The following ATF6 variants were observed in gnomAD, a reference collection of about 807,000 sequenced individuals.
The protein encoded by ATF6 is cyclic AMP-dependent transcription factor ATF-6 alpha.
In ATF6, 53 loss-of-function variants were observed where a neutral mutation model predicts 83.6. That is an observed-to-expected ratio of 0.63 (90% CI 0.51 to 0.80). The LOEUF (loss-of-function observed/expected upper bound fraction) is 0.80. ATF6 is among the 30% of genes least tolerant of loss of function. The pLI, the probability that ATF6 is intolerant of heterozygous loss-of-function variation, is 0.00. For missense variants in ATF6, 744 were observed against 797.9 expected (o/e 0.93, Z 0.81); for synonymous variants, 288 against 285.8 (o/e 1.01, Z -0.08).
chr1:161,814,547 T>G lies in ATF6; in HGVS notation c.910-5086T>G, dbSNP rs1685562319. Reference sequence around the variant, plus strand: ...AGTTTGCAGGATGAAGATTATTTCCTTGATAATCTGCCAAATAAATGGTTC... The same window carrying G: ...AGTTTGCAGGATGAAGATTATTTCCGTGATAATCTGCCAAATAAATGGTTC... On this transcript the variant is annotated intron_variant, in intron 7 of 15. Transcript: ENST00000367942. 2.6e-5 allele frequency among the ~76,000 whole-genome samples: 4 copies of G among 152,334 alleles called. No individual in the cohort carries two copies. The South Asian group carries it at 6.2e-4, about 24-fold the overall frequency.
intron 7 of ATF6, among the ~76,000 whole-genome samples, chr1:161,806,853 G>A (rs755599599): frequency 1.4e-4 from 22 of 152,190 alleles, no homozygotes; most frequent in Non-Finnish European, 2.6e-4. Flanking sequence ...TTAGAACTTT[G>A]TATTTCCTTT....
intron 15 of ATF6, among the ~76,000 whole-genome samples, chr1:161,935,193 G>C (rs547091737): frequency 5.3e-5 from 8 of 152,330 alleles, no homozygotes; most frequent in African/African-American, 1.7e-4. Context: ...GACAGACAGA[G>C]AGATAGACTC....
chr1:161,940,329 C>G (rs1688618280), intron 15 of ATF6, among the ~76,000 whole-genome samples: 1 of 152,230 alleles, frequency 6.6e-6, no homozygotes, highest in Non-Finnish European at 1.5e-5. Context: ...AAACCTTCCT[C>G]TGTCTCCTTA....
chr1:161,904,642 CACA>C (rs1225070374), intron 14 of ATF6, among the ~76,000 whole-genome samples: 12 of 151,734 alleles, frequency 7.9e-5, no homozygotes, highest in Non-Finnish European at 1.8e-4. Context: ...CACACACACA[CACA>C]CACAAAACTG....
intron 1 of ATF6, among the ~76,000 whole-genome samples, chr1:161,769,125 A>G (rs921936673): frequency 6.6e-6 from 1 of 152,086 alleles, no homozygotes; most frequent in African/African-American, 2.4e-5. Flanking sequence ...TGTTGCAACT[A>G]CTCAAGTCTG....
intron 6 of ATF6, among the ~76,000 whole-genome samples, chr1:161,800,038 T>C (rs1387375437): frequency 2.6e-5 from 4 of 152,170 alleles, no homozygotes; most frequent in East Asian, 3.8e-4. Flanking sequence ...CTGTGGATGT[T>C]AGGCAAGGCT....
At chr1:161,897,058 G>A (rs1459938220) in intron 14 of ATF6, among the ~76,000 whole-genome samples, 1 of 152,116 alleles carries the variant, frequency 6.6e-6, no homozygotes, top group Admixed American at 6.5e-5. Context: ...TTCAAGTTGT[G>A]TGTTATTTTT....
At position 161,819,717 on chromosome 1, in the gene ATF6, C is replaced by T. The variant is rs1320571202; in HGVS notation, c.994C>T (p.Leu332=). The part of the protein sequence containing the change: ...QSRKKKKEYM[L]GLEARLKAAL... ...TCGCAAGAAGAAGAAAGAATATATG[C>T]TAGGGTTAGAGGCGAGATTAAAGGC... Residue 332 remains leucine (L), a synonymous_variant, in exon 8 of 16, where the codon CTA becomes TTA. Transcript: ENST00000367942. The T allele has an allele frequency of 6.2e-7, 1 of 1,612,880 alleles. No homozygotes were observed. Among genetic ancestry groups the T allele is most frequent in the Admixed American group, 1.7e-5 (1 of 59,836 alleles).
chr1:161,895,976 G>A (rs185630091), intron 14 of ATF6, among the ~76,000 whole-genome samples: 35 of 152,320 alleles, frequency 2.3e-4, no homozygotes, highest in African/African-American at 6.5e-4. Context: ...AAAGGACCCA[G>A]TGAGTTACAG....
intron 14 of ATF6, chr1:161,890,704 TG>T (rs1415112200): frequency 6.6e-6 from 1 of 152,286 alleles, no homozygotes; most frequent in African/African-American, 2.4e-5. Context: ...CACAGAGCTT[TG>T]GTAGGGCTGG....
chr1:161,876,233 T>G (rs1249347363), intron 14 of ATF6, among the ~76,000 whole-genome samples: 1 of 151,982 alleles, frequency 6.6e-6, no homozygotes, highest in African/African-American at 2.4e-5. Context: ...AGTTTATAGA[T>G]TCTTCCATTT....
At chr1:161,913,656 G>A (rs1006258323) in intron 15 of ATF6, among the ~76,000 whole-genome samples, 2 of 152,108 alleles carry the variant, frequency 1.3e-5, no homozygotes. Context: ...TACCTTTGAA[G>A]TTACTCATGG....
At chr1:161,835,131 A>G (rs1039886091) in intron 9 of ATF6, among the ~76,000 whole-genome samples, 5 of 152,288 alleles carry the variant, frequency 3.3e-5, no homozygotes, top group Admixed American at 2.0e-4. Flanking sequence ...GTGCAGCAGC[A>G]TGATCATGAC....
intron 6 of ATF6, among the ~76,000 whole-genome samples, chr1:161,794,555 C>T: frequency 6.6e-6 from 1 of 152,174 alleles, no homozygotes; most frequent in East Asian, 1.9e-4. Flanking sequence ...CTCAAGGGAT[C>T]TACCCACCTT....
intron 15 of ATF6, among the ~76,000 whole-genome samples, chr1:161,930,447 T>G (rs970128739): frequency 6.6e-6 from 1 of 152,344 alleles, no homozygotes; most frequent in African/African-American, 2.4e-5. Context: ...ATTTGAGTAT[T>G]AAATTGCATT....
At chr1:161,869,450 G>A (rs1405096902) in intron 14 of ATF6, among the ~76,000 whole-genome samples, 25 of 151,800 alleles carry the variant, frequency 1.6e-4, no homozygotes, top group Non-Finnish European at 3.7e-4. Flanking sequence ...CTCAAAACTT[G>A]AGTGTACACA....
chr1:161,899,463 C>G lies in ATF6; in HGVS notation c.1720-12833C>G, dbSNP rs573607527. ...AAAATTGCTTTTCAAAACCGATTCT[C>G]TGTGGTCACGAACATAATGTTTTTA... On this transcript the variant is annotated intron_variant, in intron 14 of 15. Transcript: ENST00000367942. Among the ~76,000 whole-genome samples the G allele has an allele frequency of 9.2e-5, 14 of 152,242 alleles. No homozygotes were observed. The South Asian group carries it at 2.9e-3, about 32-fold the overall frequency.
At chr1:161,876,859 A>T (rs1440759908) in intron 14 of ATF6, among the ~76,000 whole-genome samples, 1 of 152,036 alleles carries the variant, frequency 6.6e-6, no homozygotes, top group Admixed American at 6.6e-5. Context: ...CAAGTTTTCT[A>T]ATCTCCTGTC....
intron 14 of ATF6, among the ~76,000 whole-genome samples, chr1:161,864,329 A>G (rs947748634): frequency 2.0e-5 from 3 of 152,228 alleles, no homozygotes; most frequent in East Asian, 1.9e-4. Context: ...CTTTTCACAC[A>G]TGTAGATTCC....
Sources: allele counts gnomAD v4.1 joint callset (sites outside exome capture counted in the v4.1 genomes callset), GRCh38; gene constraint gnomAD v4.1.1; transcripts MANE v1.5; gene names NCBI Gene and HGNC (gene_info 2026-07-23, HGNC 2026-07-21).